SEPHS1: variants seen among roughly 807,000 people sequenced by gnomAD.
SEPHS1 encodes selenophosphate synthetase 1.
A neutral mutation model predicts 39.2 loss-of-function variants in SEPHS1; 7 were observed. The observed-to-expected ratio is 0.18, with a 90% CI of 0.10 to 0.34. The LOEUF (loss-of-function observed/expected upper bound fraction) is 0.34, where lower values mean the gene tolerates loss of function less well. SEPHS1 is among the 10% of genes least tolerant of loss of function. SEPHS1 has a pLI of 1.00. For synonymous variants in SEPHS1, 190 were observed against 195.5 expected, an observed-to-expected ratio of 0.97 and a Z score of 0.23; for missense variants, 253 against 514.5, an observed-to-expected ratio of 0.49 and a Z score of 4.92.
intron 3 of SEPHS1, 75 bp downstream of exon 3, chr10:13,338,630 T>C (rs1833707674): frequency 8.3e-7 from 1 of 1,198,950 alleles, no homozygotes; most frequent in Non-Finnish European, 1.2e-6. Flanking sequence ...CACAGATACA[T>C]ACAAAACCCC....
chr10:13,345,576 T>C (rs1833898010), intron 1 of SEPHS1: 2 of 152,258 alleles, frequency 1.3e-5, no homozygotes, highest in Non-Finnish European at 2.9e-5. Context: ...GTTTTCCCTC[T>C]GAGCCCAAAG....
intron 8 of SEPHS1, 133 bp from the exon 9 acceptor site, chr10:13,319,489 A>C: frequency 1.1e-6 from 1 of 891,920 alleles, no homozygotes; most frequent in Non-Finnish European, 1.8e-6. Flanking sequence ...TTCCCATTCA[A>C]CTAAGCAGCT....
chr10:13,328,904 G>A (rs1833384329), intron 6 of SEPHS1, among the ~76,000 whole-genome samples: 1 of 152,212 alleles, frequency 6.6e-6, no homozygotes, highest in Non-Finnish European at 1.5e-5. Flanking sequence ...CACAGGGGGA[G>A]GAGGGAAAAA....
intron 7 of SEPHS1, among the ~76,000 whole-genome samples, chr10:13,323,615 A>G (rs1441371677): frequency 1.3e-5 from 2 of 152,018 alleles, no homozygotes; most frequent in Non-Finnish European, 2.9e-5. Context: ...GGCCTCCCAA[A>G]GTGCTGGGAT....
intron 1 of SEPHS1, chr10:13,345,379 G>A (rs1588551630): frequency 6.4e-6 from 1 of 156,526 alleles, no homozygotes; most frequent in Non-Finnish European, 1.4e-5. Flanking sequence ...GTGTCAACCT[G>A]GAAGCACTGT....
At chr10:13,333,228 G>T (rs1833522179) in intron 5 of SEPHS1, among the ~76,000 whole-genome samples, 1 of 151,792 alleles carries the variant, frequency 6.6e-6, no homozygotes, top group Non-Finnish European at 1.5e-5. Context: ...CAGCCTCCTG[G>T]GTTCAAGTGA....
At chr10:13,340,475 T>C (rs1295737457) in intron 2 of SEPHS1, among the ~76,000 whole-genome samples, 2 of 152,142 alleles carry the variant, frequency 1.3e-5, no homozygotes, top group African/African-American at 4.8e-5. Flanking sequence ...TAAATAGAAA[T>C]ACCACTCTTT....
Position 13,348,191 on chromosome 10 carries a change from G to A in SEPHS1, c.-270C>T, listed in dbSNP as rs886259650. ...CTCGCCTGCCTCGGCGCGGCCCTGC[G>A]GGAGCCGGGCCGCCGCGCTCCCGCC... is the stretch of plus-strand genomic sequence containing the variant. On this transcript the variant is annotated 5_prime_UTR_variant, in exon 1 of 9. Coordinates refer to ENST00000327347, the MANE Select transcript of SEPHS1 (RefSeq NM_012247.5). 6.9e-6 allele frequency: 1 copy of A among 144,562 alleles called. No homozygotes were observed. Among genetic ancestry groups the A allele is most frequent in the African/African-American group, 2.5e-5 (1 of 40,236 alleles). The allele number at this position is 144,562 out of a possible 1,614,324, so 9.0% of individuals were successfully genotyped here.
At chr10:13,345,480 G>C (rs1032142633) in intron 1 of SEPHS1, 1 of 152,360 alleles carries the variant, frequency 6.6e-6, no homozygotes, top group Non-Finnish European at 1.5e-5. Flanking sequence ...TGAAACGCCC[G>C]ATACAAACTT....
intron 8 of SEPHS1, 77 bp from the exon 9 acceptor site, chr10:13,319,433 T>C (rs754952149): frequency 1.4e-5 from 20 of 1,441,330 alleles, no homozygotes; most frequent in Non-Finnish European, 1.8e-5. Context: ...TCTGCAGAGA[T>C]CCAACTTCCA....
chr10:13,337,352 GT>G (rs1453929457), intron 3 of SEPHS1, among the ~76,000 whole-genome samples: 1 of 152,160 alleles, frequency 6.6e-6, no homozygotes, highest in African/African-American at 2.4e-5. Flanking sequence ...CAGAAATGTG[GT>G]AATGAAGATT....
intron 7 of SEPHS1, among the ~76,000 whole-genome samples, chr10:13,325,083 C>T (rs1236989996): frequency 6.6e-6 from 1 of 152,102 alleles, no homozygotes; most frequent in African/African-American, 2.4e-5. Context: ...ATGTGTTTGG[C>T]AAAATTTTTC....
At chr10:13,341,743 A>G (rs1458407151) in intron 2 of SEPHS1, among the ~76,000 whole-genome samples, 1 of 147,050 alleles carries the variant, frequency 6.8e-6, no homozygotes, top group Middle Eastern at 3.9e-3. Context: ...GATCACTTAG[A>G]GTCAGGAGTT....
chr10:13,320,248 C>T (rs1342017363), intron 8 of SEPHS1, among the ~76,000 whole-genome samples: 6 of 149,282 alleles, frequency 4.0e-5, no homozygotes, highest in Non-Finnish European at 8.9e-5. Context: ...GTGGTGTGAT[C>T]TCGGCTCACT....
intron 1 of SEPHS1, among the ~76,000 whole-genome samples, chr10:13,346,486 G>C (rs543468539): frequency 1.3e-5 from 2 of 152,214 alleles, no homozygotes; most frequent in African/African-American, 4.8e-5. Context: ...GATTTCGGTG[G>C]GAAACGTAAC....
intron 7 of SEPHS1, among the ~76,000 whole-genome samples, chr10:13,327,978 G>A (rs1246484263): frequency 6.6e-6 from 1 of 152,242 alleles, no homozygotes; most frequent in Non-Finnish European, 1.5e-5. Flanking sequence ...TGCAGGGGAT[G>A]GGTGGGAGTG....
Position 13,344,840 on chromosome 10 carries a change from G to C in SEPHS1, c.111C>G (p.Val37=). ...KGTGCKVPQD[V]LQKLLESLQE... is the part of the protein sequence containing the mutation. Reference sequence around the variant, plus strand: ...GTAAAGATTCCAGCAATTTTTGCAGGACATCTTGGGGCACTTTGCAGCCTG... The same window carrying C: ...GTAAAGATTCCAGCAATTTTTGCAGCACATCTTGGGGCACTTTGCAGCCTG... The change falls in exon 2 of 9, where the codon GTC becomes GTG. Residue 37 remains valine, a synonymous_variant. Coordinates refer to ENST00000327347, the MANE Select transcript of SEPHS1 (RefSeq NM_012247.5). The C allele has an allele frequency of 6.2e-7, 1 of 1,606,830 alleles. No individual in the cohort carries two copies. The highest frequency in any genetic ancestry group is 8.5e-7 in the Non-Finnish European group (1 of 1,176,236).
In SEPHS1 at chr10:13,348,161, G is replaced by A. The variant is rs1227245984; in HGVS notation, c.-240C>T. 6.9e-6 allele frequency: 1 copy of A among 144,358 alleles called. No homozygotes were observed. Among genetic ancestry groups the A allele is most frequent in the African/African-American group, 2.5e-5 (1 of 40,280 alleles). 8.9% of individuals were successfully genotyped at this position (144,358 alleles called of 1,614,324 possible). On this transcript the variant is annotated 5_prime_UTR_variant, in exon 1 of 9. Transcript: ENST00000327347. ...GCCCGGGCCCGCGCCTGGGCGCCGC[G>A]GGGGCTCGCCTGCCTCGGCGCGGCC... is the stretch of plus-strand genomic sequence containing the variant.
chr10:13,346,611 T>G (rs911335933), intron 1 of SEPHS1, among the ~76,000 whole-genome samples: 1 of 149,964 alleles, frequency 6.7e-6, no homozygotes, highest in African/African-American at 2.5e-5. Flanking sequence ...CTTAGAGTTA[T>G]GGGAAAGTTT....
Sources: allele counts gnomAD v4.1 joint callset (sites outside exome capture counted in the v4.1 genomes callset), GRCh38; gene constraint gnomAD v4.1.1; transcripts MANE v1.5; gene names NCBI Gene and HGNC (gene_info 2026-07-23, HGNC 2026-07-21).